Variants in PCSK5 observed in about 807,000 individuals in gnomAD.
PCSK5 encodes proprotein convertase subtilisin/kexin type 5, also known as prohormone convertase 5.
A neutral mutation model predicts 233.2 loss-of-function variants in PCSK5; 129 were observed. The observed-to-expected ratio is 0.55, with a 90% confidence interval of 0.48 to 0.64. PCSK5 has a LOEUF of 0.64. Among genes scored for constraint, PCSK5 ranks in the 30% least tolerant of loss-of-function variants. PCSK5 has a pLI of 0.00. For missense variants in PCSK5, 2,076 were observed against 2,430.1 expected (o/e 0.85, Z 3.06); for synonymous variants, 825 against 879.2 (o/e 0.94, Z 1.09).
At chr9:76,171,787 C>T (rs1823341098) in intron 13 of PCSK5, among the ~76,000 whole-genome samples, 1 of 152,134 alleles carries the variant, frequency 6.6e-6, no homozygotes, top group African/African-American at 2.4e-5. Context: ...TCTTTTTACG[C>T]CAGACGAGAG....
intron 3 of PCSK5, among the ~76,000 whole-genome samples, chr9:75,998,707 A>C (rs1187431154): frequency 6.6e-6 from 1 of 152,192 alleles, no homozygotes; most frequent in African/African-American, 2.4e-5. Flanking sequence ...TTAAAAGCAA[A>C]AGTCAGGAGA....
chr9:75,929,517 A>T (rs1024313746), intron 1 of PCSK5, among the ~76,000 whole-genome samples: 1 of 151,982 alleles, frequency 6.6e-6, no homozygotes, highest in Non-Finnish European at 1.5e-5. Context: ...TGAGACACAA[A>T]CTATGAGGAA....
chr9:76,350,679 G>C (rs1286950701), intron 35 of PCSK5, 149 bp from the exon 36 acceptor site: 1 of 581,146 alleles, frequency 1.7e-6, no homozygotes, highest in East Asian at 3.2e-5. Flanking sequence ...TACTTTGTGT[G>C]GGAGACTTTT....
intron 3 of PCSK5, among the ~76,000 whole-genome samples, chr9:75,994,400 C>CTTTTTTTTTTTTTTTT (rs550518074): frequency 1.1e-4 from 9 of 82,032 alleles, no homozygotes; most frequent in Non-Finnish European, 1.7e-4. Context: ...TTCTTTCTTT[C>CTTTTTTTTTTTTTTTT]TTTTTTTTTT....
intron 3 of PCSK5, among the ~76,000 whole-genome samples, chr9:76,019,199 T>C (rs1281915648): frequency 2.6e-5 from 4 of 152,180 alleles, no homozygotes; most frequent in Non-Finnish European, 5.9e-5. Context: ...ATTAGTAAAA[T>C]GCTTGGCCAT....
intron 25 of PCSK5, 140 bp downstream of exon 25, chr9:76,292,415 T>G: frequency 3.1e-6 from 2 of 637,810 alleles, no homozygotes; most frequent in African/African-American, 1.8e-5. Flanking sequence ...AATGAGCAAT[T>G]CTTGGATTTA....
Position 75,932,461 on chromosome 9 carries a change from G to C in PCSK5, c.275G>C (p.Ser92Thr). The change falls in exon 2 of 38, where the codon AGT (serine) becomes ACT (threonine). Residue 92 changes from serine to threonine, a missense_variant. Transcript: ENST00000674117. ...GTTATCTCGAGCAGAGGGACCCACA[G>C]TTTCATTTCAATGGAACCAAAGGTA... ...RSVISSRGTH[S>T]FISMEPKVEW... The C allele has an allele frequency of 6.2e-7, 1 of 1,610,514 alleles. No individual in the cohort carries two copies. Among genetic ancestry groups the C allele is most frequent in the Non-Finnish European group, 8.5e-7 (1 of 1,176,696 alleles).
chr9:75,893,681 T>C (rs1182450773), intron 1 of PCSK5, among the ~76,000 whole-genome samples: 1 of 152,206 alleles, frequency 6.6e-6, no homozygotes, highest in Non-Finnish European at 1.5e-5. Context: ...AAAGGCCTTA[T>C]AGTGAAGATT....
intron 3 of PCSK5, among the ~76,000 whole-genome samples, chr9:75,988,414 T>C (rs1455830030): frequency 6.6e-6 from 1 of 151,934 alleles, no homozygotes; most frequent in Non-Finnish European, 1.5e-5. Flanking sequence ...CCCAAATAGC[T>C]GGGACTATAG....
chr9:76,022,797 C>G (rs1279912892), intron 3 of PCSK5, among the ~76,000 whole-genome samples: 1 of 152,212 alleles, frequency 6.6e-6, no homozygotes, highest in Non-Finnish European at 1.5e-5. Context: ...ACACATTGTC[C>G]TGTGTAGGAC....
chr9:76,032,544 C>CGAGAAAGGGAT (rs1828693223), intron 5 of PCSK5, among the ~76,000 whole-genome samples: 1 of 152,160 alleles, frequency 6.6e-6, no homozygotes, highest in African/African-American at 2.4e-5. Flanking sequence ...TTTCTCGTCA[C>CGAGAAAGGGAT]TTTTGCAAGT....
chr9:76,097,697 G>C (rs902622217), intron 8 of PCSK5, among the ~76,000 whole-genome samples: 4 of 152,212 alleles, frequency 2.6e-5, no homozygotes, highest in Non-Finnish European at 5.9e-5. Context: ...AGGACACTTA[G>C]TAGCACATAG....
At chr9:76,250,384 G>A (rs1587103) in intron 24 of PCSK5, among the ~76,000 whole-genome samples, 78,096 of 152,024 alleles carry the variant, frequency 0.51, 20,338 homozygotes, top group Non-Finnish European at 0.54. Flanking sequence ...GAAAGGGCAG[G>A]GGCAGAAGGA....
chr9:75,970,823 G>A (rs754642846), intron 2 of PCSK5, among the ~76,000 whole-genome samples: 3 of 151,860 alleles, frequency 2.0e-5, no homozygotes, highest in South Asian at 2.1e-4. Context: ...AAGTTTCACC[G>A]TGTTGCCCAG....
chr9:76,169,874 T>G (rs1021482785), intron 13 of PCSK5, 34 bp downstream of exon 13: 2 of 1,575,880 alleles, frequency 1.3e-6, no homozygotes, highest in East Asian at 4.5e-5. Context: ...TGTTCTACTG[T>G]GTAGAAGAAA....
In PCSK5 at chr9:76,069,318, G is replaced by A. The variant is rs562749269; in HGVS notation, c.721+1275G>A. ...CTCATGGTCCAGGATATAGTTTCTC[G>A]CATACACAGACACACAGCCCCAGGT... On this transcript the variant is annotated intron_variant, in intron 6 of 37. Coordinates refer to ENST00000674117, the MANE Select transcript of PCSK5 (RefSeq NM_001372043.1). 6.6e-5 allele frequency among the ~76,000 whole-genome samples: 10 copies of A among 152,072 alleles called. No homozygotes were observed. In the East Asian group the frequency reaches 1.7e-3, roughly 26 times the overall value.
At chr9:76,242,437 A>C (rs953031366) in intron 24 of PCSK5, among the ~76,000 whole-genome samples, 1 of 152,220 alleles carries the variant, frequency 6.6e-6, no homozygotes, top group African/African-American at 2.4e-5. Context: ...TGCTTATATT[A>C]CTGGATAATA....
chr9:76,019,637 G>A (rs1362501801), intron 3 of PCSK5, among the ~76,000 whole-genome samples: 1 of 152,018 alleles, frequency 6.6e-6, no homozygotes, highest in African/African-American at 2.4e-5. Flanking sequence ...ACATAATAAA[G>A]GTATTTATTT....
chr9:76,304,274 A>AT (rs1828706995), intron 28 of PCSK5, among the ~76,000 whole-genome samples: 1 of 152,160 alleles, frequency 6.6e-6, no homozygotes, highest in Non-Finnish European at 1.5e-5. Flanking sequence ...CTCCACCTGT[A>AT]TTTGCATCTA....
Sources: gnomAD v4.1 joint callset for allele counts (sites outside exome capture counted in the v4.1 genomes callset) on GRCh38, gnomAD v4.1.1 for gene constraint, MANE v1.5 for transcripts, NCBI Gene and HGNC (gene_info 2026-07-23, HGNC 2026-07-21) for gene names.